The following FLI1 variants were observed in gnomAD, a reference collection of about 807,000 sequenced individuals.
FLI1 encodes the protein Friend leukemia integration 1 transcription factor.
FLI1 carries 13 observed loss-of-function variants against 53.1 expected under a neutral mutation model. The ratio of observed to expected loss-of-function variants is 0.24; its 90% CI spans 0.16 to 0.39. The LOEUF is 0.39. Among genes scored for constraint, FLI1 ranks in the 10% least tolerant of loss-of-function variants. FLI1 has a pLI of 1.00. For synonymous variants in FLI1, 244 were observed against 236.7 expected, an observed-to-expected ratio of 1.03 and a Z score of -0.28; for missense variants, 424 against 600.5, an observed-to-expected ratio of 0.71 and a Z score of 3.07.
Position 128,773,039 on chromosome 11 carries a change from C to A in FLI1, c.589+54C>A, listed in dbSNP as rs1182925785. ...GGAGGAAGCTTGGCATGGAGCCAAC[C>A]CAGGGAGAGGAAGTCAGTGCTGCCC... On this transcript the variant is annotated intron_variant, in intron 4 of 8. Transcript: ENST00000527786. 6.5e-6 allele frequency: 10 copies of A among 1,528,148 alleles called. No individual in the cohort carries two copies. The East Asian group carries it at 1.8e-4, about 28-fold the overall frequency. The allele number at this position is 1,528,148 out of a possible 1,614,324, so 94.7% of individuals were successfully genotyped here. A position where few individuals can be genotyped will look rare whatever the true frequency, so the allele number is the denominator to read the frequency against.
At chr11:128,805,970 G>A (rs1942772438) in intron 6 of FLI1, 2 of 151,874 alleles carry the variant, frequency 1.3e-5, no homozygotes, top group African/African-American at 2.4e-5. Context: ...CCACCAAGTG[G>A]TGAGATGATG....
chr11:128,769,504 C>A (rs926559370), intron 3 of FLI1, among the ~76,000 whole-genome samples: 2 of 152,104 alleles, frequency 1.3e-5, no homozygotes, highest in African/African-American at 2.4e-5. Flanking sequence ...TGCCTTGGCC[C>A]GTGGTGTTTG....
chr11:128,686,362 G>A (rs1267786391), upstream of FLI1: 2 of 456,168 alleles, frequency 4.4e-6, no homozygotes, highest in African/African-American at 2.0e-5. Context: ...TCGGGCAGGG[G>A]AGAGTAAAAG....
chr11:128,811,099 C>A lies in FLI1; in HGVS notation c.*111C>A. 1 of 1,038,802 alleles carries A rather than the reference C, an allele frequency of 9.6e-7. No individual in the cohort carries two copies. Among genetic ancestry groups the A allele is most frequent in the South Asian group, 1.4e-5 (1 of 73,098 alleles). The allele number at this position is 1,038,802 out of a possible 1,614,324, so 64.3% of individuals were successfully genotyped here. A position where few individuals can be genotyped will look rare whatever the true frequency, so the allele number is the denominator to read the frequency against. ...TGAAGGGAAGACAAAACTGGATGTT[C>A]TTTCTTGTTGGATAGAACCTTTGTA... On this transcript the variant is annotated 3_prime_UTR_variant, in exon 9 of 9. Transcript: ENST00000527786.
At chr11:128,726,136 A>G (rs1257227045) in intron 1 of FLI1, among the ~76,000 whole-genome samples, 1 of 151,976 alleles carries the variant, frequency 6.6e-6, no homozygotes, top group East Asian at 1.9e-4. Flanking sequence ...TCCCCTCTCC[A>G]TCCACTCAGA....
intron 1 of FLI1, among the ~76,000 whole-genome samples, chr11:128,751,652 A>C (rs764089942): frequency 1.5e-4 from 23 of 151,796 alleles, no homozygotes; most frequent in Non-Finnish European, 3.1e-4. Flanking sequence ...TCAGCCTCCC[A>C]AGTAGCTGGG....
chr11:128,751,238 A>G (rs1940629668), intron 1 of FLI1, among the ~76,000 whole-genome samples: 1 of 152,166 alleles, frequency 6.6e-6, no homozygotes, highest in South Asian at 2.1e-4. Flanking sequence ...CTTTTAAACA[A>G]TCAACATTCG....
chr11:128,690,585 C>T (rs1029254689), upstream of FLI1, among the ~76,000 whole-genome samples: 3 of 152,224 alleles, frequency 2.0e-5, no homozygotes, highest in African/African-American at 7.2e-5. Context: ...GCAGGACTTC[C>T]GCATCTTTGA....
chr11:128,689,185 G>A (rs751598004), upstream of FLI1, among the ~76,000 whole-genome samples: 2 of 151,548 alleles, frequency 1.3e-5, no homozygotes, highest in African/African-American at 2.4e-5. Flanking sequence ...AGGTGCGCTA[G>A]TCCTCAAACT....
chr11:128,790,032 G>C (rs1434547615), intron 5 of FLI1, among the ~76,000 whole-genome samples: 1 of 150,306 alleles, frequency 6.7e-6, no homozygotes, highest in Non-Finnish European at 1.5e-5. Flanking sequence ...CAAAAGCAGG[G>C]ATGATTGCTG....
At chr11:128,752,975 C>T (rs989906420) in intron 1 of FLI1, among the ~76,000 whole-genome samples, 6 of 152,316 alleles carry the variant, frequency 3.9e-5, no homozygotes, top group Admixed American at 6.5e-5. Flanking sequence ...GCATTTCTAT[C>T]GGCAAATGTG....
upstream of FLI1, among the ~76,000 whole-genome samples, chr11:128,691,031 G>T (rs976406742): frequency 6.6e-6 from 1 of 152,150 alleles, no homozygotes; most frequent in Non-Finnish European, 1.5e-5. Context: ...AAAGAGGAAG[G>T]AGAGAAGAGA....
intron 6 of FLI1, chr11:128,806,830 C>G (rs1433521264): frequency 1.1e-5 from 2 of 174,942 alleles, no homozygotes; most frequent in African/African-American, 2.4e-5. Flanking sequence ...TCCACAGCCT[C>G]AGTACCATCA....
intron 5 of FLI1, among the ~76,000 whole-genome samples, chr11:128,782,468 G>T (rs12364388): frequency 6.6e-6 from 1 of 152,190 alleles, no homozygotes; most frequent in Non-Finnish European, 1.5e-5. Context: ...GCCGAAGTGG[G>T]TGGATCACTT....
chr11:128,722,920 T>G (rs913428931), intron 1 of FLI1, among the ~76,000 whole-genome samples: 1 of 152,120 alleles, frequency 6.6e-6, no homozygotes, highest in African/African-American at 2.4e-5. Flanking sequence ...GTCCCATAAC[T>G]GGGTGGCTCA....
chr11:128,739,043 G>C (rs953923880), intron 1 of FLI1, among the ~76,000 whole-genome samples: 5 of 152,192 alleles, frequency 3.3e-5, no homozygotes, highest in African/African-American at 9.7e-5. Context: ...AACCTCAAAA[G>C]ATCATGTTTG....
At chr11:128,784,119 G>T (rs1029806218) in intron 5 of FLI1, among the ~76,000 whole-genome samples, 35 of 152,160 alleles carry the variant, frequency 2.3e-4, no homozygotes, top group African/African-American at 8.4e-4. Context: ...AGCCAGTGAG[G>T]CTCTGAAGCA....
chr11:128,685,156 C>CAT (rs1591716203), upstream of FLI1, among the ~76,000 whole-genome samples: 1 of 152,350 alleles, frequency 6.6e-6, no homozygotes, highest in East Asian at 1.9e-4. Flanking sequence ...TCCTGCACAG[C>CAT]GGCTCCTGCA....
upstream of FLI1, chr11:128,693,744 T>C (rs2135682599): frequency 4.3e-6 from 1 of 232,348 alleles, no homozygotes; most frequent in East Asian, 6.1e-5. Flanking sequence ...GACCCCGTCA[T>C]TGTTCCCGGC....
Sources: gnomAD v4.1 joint callset for allele counts (sites outside exome capture counted in the v4.1 genomes callset) on GRCh38, gnomAD v4.1.1 for gene constraint, MANE v1.5 for transcripts, NCBI Gene and HGNC (gene_info 2026-07-23, HGNC 2026-07-21) for gene names.